NOVA1: variants seen among roughly 807,000 people sequenced by gnomAD.
The protein encoded by NOVA1 is RNA-binding protein Nova-1.
NOVA1 carries 7 observed loss-of-function variants against 38.0 expected under a neutral mutation model. That is an observed-to-expected ratio of 0.18 (90% CI 0.10 to 0.35). The LOEUF (loss-of-function observed/expected upper bound fraction) is 0.35. Among genes scored for constraint, NOVA1 ranks in the 10% least tolerant of loss-of-function variants. NOVA1 has a pLI of 1.00. For missense variants in NOVA1, 460 were observed against 616.0 expected, an observed-to-expected ratio of 0.75 and a Z score of 2.68; for synonymous variants, 270 against 232.5, an observed-to-expected ratio of 1.16 and a Z score of -1.47.
intron 2 of NOVA1, among the ~76,000 whole-genome samples, chr14:26,514,318 C>T (rs1566494281): frequency 6.6e-6 from 1 of 151,792 alleles, no homozygotes; most frequent in East Asian, 1.9e-4. Context: ...TGTGTACCTC[C>T]TATCCTTGAG....
chr14:26,547,532 A>T (rs1890863716), intron 2 of NOVA1, among the ~76,000 whole-genome samples: 1 of 152,146 alleles, frequency 6.6e-6, no homozygotes, highest in Non-Finnish European at 1.5e-5. Context: ...CCAAACTTCT[A>T]TCATCTACAT....
intron 3 of NOVA1, among the ~76,000 whole-genome samples, chr14:26,476,608 C>T (rs1456997662): frequency 2.0e-5 from 3 of 152,122 alleles, no homozygotes; most frequent in Admixed American, 2.0e-4. Context: ...TCTAATTAGG[C>T]TATTCCTATA....
In NOVA1 at chr14:26,448,603, G is replaced by A; in HGVS notation, c.880C>T (p.Leu294Phe). The A allele has an allele frequency of 6.2e-7, 1 of 1,614,236 alleles. No individual in the cohort carries two copies. The highest frequency in any genetic ancestry group is 8.5e-7 in the Non-Finnish European group (1 of 1,180,044). The stretch of plus-strand genomic sequence containing the variant: ...GCTGGAAAGGCTGCAACGCCAGCAA[G>A]GTTAGCATGTCCTAATAGCCCTGCA... ...AAAGLLGHAN[L>F]AGVAAFPAVL... Residue 294 changes from leucine (L) to phenylalanine (F), a missense_variant, in exon 5 of 5, where the codon CTT (leucine) becomes TTT (phenylalanine). By Grantham distance (22) the Leu-to-Phe change is conservative. Coordinates refer to ENST00000539517, the MANE Select transcript of NOVA1 (RefSeq NM_002515.3). The surrounding 1 kb of genome is among the most constrained non-coding windows in gnomAD (Gnocchi z 5.3).
chr14:26,539,596 A>G (rs1254012388), intron 2 of NOVA1, among the ~76,000 whole-genome samples: 2 of 152,254 alleles, frequency 1.3e-5, no homozygotes, highest in Middle Eastern at 3.4e-3. Flanking sequence ...ATACACATAG[A>G]TACTAAAAGA....
chr14:26,538,954 T>C (rs1250221556), intron 2 of NOVA1, among the ~76,000 whole-genome samples: 3 of 152,188 alleles, frequency 2.0e-5, no homozygotes, highest in Non-Finnish European at 4.4e-5. Context: ...CGTTTTTCTT[T>C]ACTATTCCTG....
intron 2 of NOVA1, among the ~76,000 whole-genome samples, chr14:26,574,273 C>T (rs868017877): frequency 1.1e-5 from 1 of 92,588 alleles, no homozygotes; most frequent in Non-Finnish European, 2.2e-5. Flanking sequence ...ATCCACCCCC[C>T]CCCCCCCGCC....
At chr14:26,553,343 T>TTCTCCTG (rs1891279376) in intron 2 of NOVA1, among the ~76,000 whole-genome samples, 1 of 152,232 alleles carries the variant, frequency 6.6e-6, no homozygotes, top group African/African-American at 2.4e-5. Flanking sequence ...CAGAAGTGCC[T>TTCTCCTG]TCTCCTGTCC....
At chr14:26,513,228 G>A (rs971068446) in intron 2 of NOVA1, among the ~76,000 whole-genome samples, 2 of 151,922 alleles carry the variant, frequency 1.3e-5, no homozygotes, top group East Asian at 3.8e-4. Flanking sequence ...GTTTTAAAAT[G>A]AATGTAATAG....
At chr14:26,536,443 G>A (rs1876818282) in intron 2 of NOVA1, among the ~76,000 whole-genome samples, 1 of 151,746 alleles carries the variant, frequency 6.6e-6, no homozygotes, top group Non-Finnish European at 1.5e-5. Context: ...TTTTCAGATT[G>A]CATGCCTGTA....
chr14:26,497,440 G>A (rs1594405931), intron 2 of NOVA1, among the ~76,000 whole-genome samples: 1 of 152,130 alleles, frequency 6.6e-6, no homozygotes, highest in Admixed American at 6.5e-5. Flanking sequence ...AATGTCAAAA[G>A]AAGAGGGAAA....
In NOVA1 at chr14:26,482,991, C is replaced by T. The variant is rs112428519; in HGVS notation, c.281-2848G>A. ...GATTACAGGTGTGAGCCACCACGCC[C>T]GGCTTAAGAGACCATTAATTTAAAA... is the stretch of plus-strand genomic sequence containing the variant. On this transcript the variant is annotated intron_variant, in intron 2 of 4. Coordinates refer to ENST00000539517, the MANE Select transcript of NOVA1 (RefSeq NM_002515.3). Among the ~76,000 whole-genome samples the T allele has an allele frequency of 8.3e-3, 1,267 of 152,158 alleles. 17 individuals are homozygous for T. The highest frequency in any genetic ancestry group is 0.028 in the African/African-American group (1,153 of 41,490).
At chr14:26,585,694 CTTAAG>C (rs1429154993) in intron 2 of NOVA1, among the ~76,000 whole-genome samples, 3 of 151,160 alleles carry the variant, frequency 2.0e-5, no homozygotes, top group East Asian at 1.9e-4. Flanking sequence ...ACTCATATTG[CTTAAG>C]TTATTTTAAA....
intron 2 of NOVA1, among the ~76,000 whole-genome samples, chr14:26,592,184 A>T (rs917849869): frequency 6.6e-6 from 1 of 151,576 alleles, no homozygotes; most frequent in Admixed American, 6.6e-5. Context: ...CCATTAAATA[A>T]TTTTTACAGA....
At chr14:26,597,225 G>C (rs1283187504) in intron 1 of NOVA1, 76 bp downstream of exon 1, 1 of 1,153,516 alleles carries the variant, frequency 8.7e-7, no homozygotes, top group African/African-American at 1.6e-5. Flanking sequence ...GAAGGAGGGA[G>C]GGAGGACGGC....
rs868074024 is a variant in NOVA1, at chr14:26,465,471, C to T, written c.519+6849G>A. ...CAGGCGTGAGCCACTGCACCCGGCC[C>T]TAATTTTTATATTTTGTTGGAGAAT... On this transcript the variant is annotated intron_variant, in intron 4 of 4. Coordinates refer to ENST00000539517, the MANE Select transcript of NOVA1 (RefSeq NM_002515.3). 7.2e-5 allele frequency among the ~76,000 whole-genome samples: 11 copies of T among 152,084 alleles called. 1 individual carries two copies. Among genetic ancestry groups the T allele is most frequent in the South Asian group, 6.2e-4 (3 of 4,828 alleles).
At chr14:26,535,201 T>C (rs1457965873) in intron 2 of NOVA1, among the ~76,000 whole-genome samples, 1 of 152,182 alleles carries the variant, frequency 6.6e-6, no homozygotes, top group East Asian at 1.9e-4. Flanking sequence ...TATTTAGATA[T>C]CTGTGTAGAA....
At chr14:26,482,010 A>AAAAAC (rs1885510714) in intron 2 of NOVA1, among the ~76,000 whole-genome samples, 1 of 115,908 alleles carries the variant, frequency 8.6e-6, no homozygotes, top group Non-Finnish European at 2.0e-5. Context: ...AAAAAAAAAA[A>AAAAAC]AAAACATGGC....
chr14:26,459,257 T>C (rs541849719), intron 4 of NOVA1, among the ~76,000 whole-genome samples: 1 of 152,140 alleles, frequency 6.6e-6, no homozygotes, highest in African/African-American at 2.4e-5. Context: ...TTATTCTGTA[T>C]TTTTAATACT....
intron 2 of NOVA1, among the ~76,000 whole-genome samples, chr14:26,585,032 T>A (rs913931493): frequency 1.1e-4 from 16 of 151,570 alleles, no homozygotes; most frequent in African/African-American, 3.9e-4. Flanking sequence ...TGTTCTCCAT[T>A]ACTTTTTAAA....
Sources: gnomAD v4.1 joint callset for allele counts (sites outside exome capture counted in the v4.1 genomes callset) on GRCh38, gnomAD v4.1.1 for gene constraint, Gnocchi (gnomAD v3.1) non-coding constraint, MANE v1.5 for transcripts, NCBI Gene and HGNC (gene_info 2026-07-23, HGNC 2026-07-21) for gene names.